TET2: variants seen among roughly 807,000 people sequenced by gnomAD.
TET2 encodes tet methylcytosine dioxygenase 2, also known as methylcytosine dioxygenase TET2.
TET2 carries 299 observed loss-of-function variants against 142.9 expected under a neutral mutation model. The observed-to-expected ratio is 2.09, with a 90% CI of 1.90 to 2.30. The LOEUF (loss-of-function observed/expected upper bound fraction) is 2.30. Ranked by LOEUF, TET2 falls within the 30% of genes most tolerant of loss-of-function variation. The probability of loss-of-function intolerance (pLI) is 0.00; values close to 1 mark genes in which losing one functional copy is unlikely to be tolerated. For synonymous variants in TET2, 819 were observed against 849.0 expected (o/e 0.96, Z 0.61); for missense variants, 2,418 against 2,378.0 (o/e 1.02, Z -0.35).
intron 2 of TET2, among the ~76,000 whole-genome samples, chr4:105,225,652 T>C (rs1304227469): frequency 2.0e-5 from 3 of 152,206 alleles, no homozygotes; most frequent in African/African-American, 7.2e-5. Flanking sequence ...AGTAGTCTCA[T>C]TGCCTCAACA....
chr4:105,276,835 T>TGGGGGGGGGG lies in TET2; in HGVS notation c.*317_*318insGGGGGGGGGG. The TGGGGGGGGGG allele has an allele frequency of 4.4e-6, 1 of 228,242 alleles. No individual in the cohort carries two copies. The highest frequency in any genetic ancestry group is 5.0e-5 in the East Asian group (1 of 19,984). 14.1% of individuals were successfully genotyped at this position (228,242 alleles called of 1,614,324 possible). On this transcript the variant is annotated 3_prime_UTR_variant, in exon 11 of 11. Transcript: ENST00000380013. ...TATTGGACGAGATGATATGTAAATGTGATCCCCCCCCCCCGCTTACAACTC... is the reference window on the plus strand; with the variant it reads ...TATTGGACGAGATGATATGTAAATGTGGGGGGGGGGGATCCCCCCCCCCCGCTTACAACTC...
At chr4:105,186,493 T>C (rs1725459737) in intron 1 of TET2, among the ~76,000 whole-genome samples, 1 of 147,654 alleles carries the variant, frequency 6.8e-6, no homozygotes, top group Admixed American at 6.7e-5. Flanking sequence ...TTTTTTTTTT[T>C]GAGATGGAGT....
rs765414159 is a variant in TET2 at position 105,243,616 on chromosome 4, G to C, written c.3641G>C (p.Arg1214Pro). 1 of 1,551,578 alleles carries C rather than the reference G, an allele frequency of 6.4e-7. No individual in the cohort carries two copies. Among genetic ancestry groups the C allele is most frequent in the Non-Finnish European group, 8.7e-7 (1 of 1,146,958 alleles). Reference sequence around the variant, plus strand: ...GAAGAGAAGCTACTGTGTTTGGTGCGGGAGCGAGCTGGCCACACCTGTGAG... The same window carrying C: ...GAAGAGAAGCTACTGTGTTTGGTGCCGGAGCGAGCTGGCCACACCTGTGAG... ...SSEEKLLCLVRERAGHTCEAA... is the reference protein window; with the variant it reads ...SSEEKLLCLVPERAGHTCEAA... Residue 1214 changes from arginine (R) to proline (P), a missense_variant, in exon 6 of 11, where the codon CGG becomes CCG. By Grantham distance (103) the Arg-to-Pro change is moderately radical (BLOSUM62 -2). Transcript: ENST00000380013.
intron 6 of TET2, among the ~76,000 whole-genome samples, chr4:105,255,955 A>G (rs529999970): frequency 7.9e-5 from 12 of 152,196 alleles, no homozygotes; most frequent in Non-Finnish European, 1.8e-4. Context: ...GATTACAACT[A>G]ACTTATAACA....
intron 7 of TET2, among the ~76,000 whole-genome samples, 168 bp from the exon 8 acceptor site, chr4:105,261,591 A>G (rs924403664): frequency 6.6e-6 from 1 of 152,154 alleles, no homozygotes; most frequent in Admixed American, 6.6e-5. Flanking sequence ...ACTAGCACAT[A>G]TGAAATTAAA....
At chr4:105,180,508 G>A (rs749234772) in intron 1 of TET2, among the ~76,000 whole-genome samples, 2 of 151,978 alleles carry the variant, frequency 1.3e-5, no homozygotes, top group Admixed American at 6.5e-5. Flanking sequence ...GCAAAATTAT[G>A]TTTATTTCAG....
intron 2 of TET2, among the ~76,000 whole-genome samples, chr4:105,199,386 A>T (rs1360738698): frequency 6.6e-6 from 1 of 152,176 alleles, no homozygotes; most frequent in Admixed American, 6.5e-5. Flanking sequence ...CTGATGAATG[A>T]ATCTCTACTA....
chr4:105,274,973 A>G lies in TET2; in HGVS notation c.4538-75A>G, dbSNP rs988934430. ...TGGAGTTTCTTACCTACATTTAAGT[A>G]TCCTCACTAGCCTTCATAAAATAAT... is the stretch of plus-strand genomic sequence containing the variant. On this transcript the variant is annotated intron_variant, in intron 10 of 10. Coordinates refer to ENST00000380013, the MANE Select transcript of TET2 (RefSeq NM_001127208.3). 1.4e-5 allele frequency: 20 copies of G among 1,448,892 alleles called. 1 individual carries two copies. The highest frequency in any genetic ancestry group is 1.2e-4 in the East Asian group (5 of 40,048). The allele number at this position is 1,448,892 out of a possible 1,614,324, so 89.8% of individuals were successfully genotyped here.
At chr4:105,242,382 C>T in intron 4 of TET2, 13 of 1,081,022 alleles carry the variant, frequency 1.2e-5, no homozygotes, top group Non-Finnish European at 1.5e-5. Context: ...TGGCTGGATA[C>T]TAACTATTTG....
At chr4:105,248,046 G>T (rs1191892663) in intron 6 of TET2, among the ~76,000 whole-genome samples, 1 of 152,068 alleles carries the variant, frequency 6.6e-6, no homozygotes, top group Non-Finnish European at 1.5e-5. Flanking sequence ...ATAAGTATGT[G>T]TGCATGTATA....
intron 8 of TET2, among the ~76,000 whole-genome samples, chr4:105,262,852 G>C (rs919100318): frequency 6.6e-6 from 1 of 150,636 alleles, no homozygotes; most frequent in African/African-American, 2.5e-5. Flanking sequence ...TTGCACTCCA[G>C]CCTAGGCAAC....
At chr4:105,242,779 C>T (rs1729372377) in intron 4 of TET2, 55 bp from the exon 5 acceptor site, 2 of 1,527,464 alleles carry the variant, frequency 1.3e-6, no homozygotes, top group East Asian at 2.5e-5. Context: ...TTTTGATTGC[C>T]TCTTGAATTC....
At position 105,241,441 on chromosome 4, in the gene TET2, A is replaced by C. The variant is rs1315237199; in HGVS notation, c.3500+12A>C. 8 of 1,548,732 alleles carry C rather than the reference A, an allele frequency of 5.2e-6. No homozygotes were observed. The highest frequency in any genetic ancestry group is 4.1e-5 in the African/African-American group (3 of 72,880). ...ATCATGGAAGAAAGGTAATTAACGC[A>C]AAGGCACAGGGCAGATTAACGTTTA... On this transcript the variant is annotated intron_variant, in intron 4 of 10. Coordinates refer to ENST00000380013, the MANE Select transcript of TET2 (RefSeq NM_001127208.3).
Position 105,278,012 on chromosome 4 carries a change from T to TA in TET2, c.*1498dup. 1 of 215,204 alleles carries TA rather than the reference T, an allele frequency of 4.6e-6. No homozygotes were observed. The highest frequency in any genetic ancestry group is 2.3e-5 in the African/African-American group (1 of 44,346). The allele number at this position is 215,204 out of a possible 1,614,324, so 13.3% of individuals were successfully genotyped here. On this transcript the variant is annotated 3_prime_UTR_variant, in exon 11 of 11. Coordinates refer to ENST00000380013, the MANE Select transcript of TET2 (RefSeq NM_001127208.3). ...GTTAGTTCCATGTGAATCTGTCAGT[T>TA]AAAAAGAAACAAAAACAGGCAGCTG...
Position 105,234,905 on chromosome 4 carries a change from A to AT in TET2, c.963_964insT (p.Leu322SerfsTer9). On this transcript the variant is annotated frameshift_variant, in exon 3 of 11. Coordinates refer to ENST00000380013, the MANE Select transcript of TET2 (RefSeq NM_001127208.3). LOFTEE classifies it high-confidence loss of function. ...CCTGTTCCTTTCAGAAACCAGAACA[A>AT]CTACAACAACAAAAATCAGTTTTTG... 1 of 1,614,176 alleles carries AT rather than the reference A, an allele frequency of 6.2e-7. No homozygotes were observed. The highest frequency in any genetic ancestry group is 8.5e-7 in the Non-Finnish European group (1 of 1,180,026).
chr4:105,213,599 T>G (rs2110554875), intron 2 of TET2, among the ~76,000 whole-genome samples: 1 of 152,310 alleles, frequency 6.6e-6, no homozygotes, highest in Admixed American at 6.5e-5. Flanking sequence ...TCTCAAGCAT[T>G]TCCCTTTACC....
intron 1 of TET2, among the ~76,000 whole-genome samples, chr4:105,151,163 T>C (rs1271629987): frequency 6.6e-6 from 1 of 151,378 alleles, no homozygotes; most frequent in Non-Finnish European, 1.5e-5. Context: ...CTACAAAAAA[T>C]TTAAAAAGTT....
At chr4:105,152,680 C>G (rs1217761100) in intron 1 of TET2, among the ~76,000 whole-genome samples, 2 of 144,098 alleles carry the variant, frequency 1.4e-5, no homozygotes, top group African/African-American at 2.6e-5. Context: ...TCACTGCAAC[C>G]TCTGCCTTCC....
Position 105,275,413 on chromosome 4 carries a change from G to A in TET2, c.4903G>A (p.Gly1635Arg), listed in dbSNP as rs750371554. ...NTQYPSYQCN[G>R]NLSVDNCSPY... Reference sequence around the variant, plus strand: ...CCAATATCCATCATATCAATGCAATGGAAACCTATCAGTGGACAACTGCTC... The same window carrying A: ...CCAATATCCATCATATCAATGCAATAGAAACCTATCAGTGGACAACTGCTC... Residue 1635 changes from glycine to arginine, a missense_variant, in exon 11 of 11, where the codon GGA becomes AGA. Coordinates refer to ENST00000380013, the MANE Select transcript of TET2 (RefSeq NM_001127208.3). 1.9e-6 allele frequency: 3 copies of A among 1,551,436 alleles called. No homozygotes were observed. The highest frequency in any genetic ancestry group is 2.4e-5 in the East Asian group (1 of 40,918).
Sources: allele counts gnomAD v4.1 joint callset (sites outside exome capture counted in the v4.1 genomes callset), GRCh38; gene constraint gnomAD v4.1.1; transcripts MANE v1.5; gene names NCBI Gene and HGNC (gene_info 2026-07-23, HGNC 2026-07-21).